ATP13A4: variants seen among roughly 807,000 people sequenced by gnomAD.
ATP13A4 encodes ATPase 13A4.
In ATP13A4, 114 loss-of-function variants were observed where a neutral mutation model predicts 142.5. The observed-to-expected ratio is 0.80, with a 90% CI of 0.69 to 0.93. ATP13A4 has a LOEUF of 0.93. Ranked by LOEUF, ATP13A4 falls within the 40% of genes least tolerant of loss-of-function variation. The pLI, the probability that ATP13A4 is intolerant of heterozygous loss-of-function variation, is 0.00. For synonymous variants in ATP13A4, 488 were observed against 514.8 expected (o/e 0.95, Z 0.70); for missense variants, 1,392 against 1,454.0 (o/e 0.96, Z 0.69).
In ATP13A4 at chr3:193,465,065, G is replaced by T; in HGVS notation, c.1336C>A (p.Leu446Ile). The part of the protein sequence containing the change: ...DVITIAVPPA[L>I]PAALTTGIIY... ...ATGCCTGTGGTCAGAGCAGCAGGTA[G>T]AGCCGGAGGAACCGCAATTGTGATG... Residue 446 changes from leucine (L) to isoleucine (I), a missense_variant, in exon 12 of 30, where the codon CTA becomes ATA. Transcript: ENST00000342695. 1 of 1,614,140 alleles carries T rather than the reference G, an allele frequency of 6.2e-7. No individual in the cohort carries two copies. The highest frequency in any genetic ancestry group is 8.5e-7 in the Non-Finnish European group (1 of 1,180,024).
chr3:193,542,945 C>T (rs1236438676), intron 1 of ATP13A4, among the ~76,000 whole-genome samples: 3 of 152,148 alleles, frequency 2.0e-5, no homozygotes, highest in Admixed American at 6.5e-5. Flanking sequence ...GTGGGCAGAT[C>T]ACAAGGTCAG....
At chr3:193,585,769 A>G (rs1300977282) in intron 1 of ATP13A4, among the ~76,000 whole-genome samples, 1 of 152,094 alleles carries the variant, frequency 6.6e-6, no homozygotes, top group African/African-American at 2.4e-5. Flanking sequence ...CCAGTTTTCA[A>G]TTACCGTGAA....
chr3:193,502,967 C>T (rs1407083780), intron 2 of ATP13A4, among the ~76,000 whole-genome samples: 4 of 151,918 alleles, frequency 2.6e-5, no homozygotes, highest in African/African-American at 9.7e-5. Flanking sequence ...CCATCCCCAT[C>T]TTTCAAGGCT....
intron 1 of ATP13A4, among the ~76,000 whole-genome samples, chr3:193,541,034 G>T (rs1279013196): frequency 6.6e-6 from 1 of 152,098 alleles, no homozygotes; most frequent in African/African-American, 2.4e-5. Flanking sequence ...CAAATCGCGA[G>T]GTCAGGAGAT....
intron 3 of ATP13A4, among the ~76,000 whole-genome samples, chr3:193,499,081 C>T (rs979677174): frequency 5.3e-5 from 8 of 152,194 alleles, no homozygotes; most frequent in Non-Finnish European, 1.2e-4. Context: ...CACATGTGCA[C>T]GTGTGCAAAC....
intron 8 of ATP13A4, 109 bp downstream of exon 8, chr3:193,483,827 G>T: frequency 9.9e-7 from 1 of 1,012,494 alleles, no homozygotes; most frequent in Non-Finnish European, 1.6e-6. Context: ...AAATGCCTAA[G>T]GAGAAATGAA....
At chr3:193,474,410 C>T (rs1169780083) in intron 8 of ATP13A4, among the ~76,000 whole-genome samples, 1 of 150,178 alleles carries the variant, frequency 6.7e-6, no homozygotes, top group African/African-American at 2.5e-5. Context: ...AAAAATTAGC[C>T]AGGCATGGTG....
At position 193,448,354 on chromosome 3, in the gene ATP13A4, T is replaced by C. The variant is rs763967413; in HGVS notation, c.2028-24A>G. 10 of 1,612,758 alleles carry C rather than the reference T, an allele frequency of 6.2e-6. 1 individual carries two copies. The highest frequency in any genetic ancestry group is 3.3e-5 in the South Asian group (3 of 91,070). On this transcript the variant is annotated intron_variant, in intron 17 of 29. Coordinates refer to ENST00000342695, the MANE Select transcript of ATP13A4 (RefSeq NM_032279.4). ...CCCTGAAAATACATATATAGATGTA[T>C]TGAACAGAAATAACACATATTACAG...
At chr3:193,437,165 C>G (rs181777019) in intron 23 of ATP13A4, among the ~76,000 whole-genome samples, 1 of 150,312 alleles carries the variant, frequency 6.7e-6, no homozygotes, top group Non-Finnish European at 1.5e-5. Flanking sequence ...AGAGTTTTGC[C>G]GTGACATTTC....
rs1346878522 is a variant in ATP13A4 at position 193,502,556 on chromosome 3, G to A, written c.318C>T (p.Asp106=). 4 of 1,613,688 alleles carry A rather than the reference G, an allele frequency of 2.5e-6. No individual in the cohort carries two copies. Among genetic ancestry groups the A allele is most frequent in the Admixed American group, 3.3e-5 (2 of 59,996 alleles). The change falls in exon 3 of 30, where the codon GAC becomes GAT. Residue 106 remains aspartate, a synonymous_variant. Coordinates refer to ENST00000342695, the MANE Select transcript of ATP13A4 (RefSeq NM_032279.4). Reference sequence around the variant, plus strand: ...ACTCCTCATCTGTCATGAGAGGGTGGTCAGGAGTGAGACCAAATGCGCTGT... The same window carrying A: ...ACTCCTCATCTGTCATGAGAGGGTGATCAGGAGTGAGACCAAATGCGCTGT... The part of the protein sequence containing the change: ...ALNSAFGLTP[D]HPLMTDEEYI...
At chr3:193,550,914 A>T (rs1723521268) in intron 1 of ATP13A4, among the ~76,000 whole-genome samples, 1 of 152,212 alleles carries the variant, frequency 6.6e-6, no homozygotes, top group Non-Finnish European at 1.5e-5. Context: ...GCCATGGTAT[A>T]AGGAAATGGT....
At chr3:193,561,044 T>G (rs1724006571) in intron 2 of ATP13A4, among the ~76,000 whole-genome samples, 1 of 152,138 alleles carries the variant, frequency 6.6e-6, no homozygotes, top group Admixed American at 6.5e-5. Flanking sequence ...GAGCCTGGCA[T>G]GGGAAAGGCT....
intron 27 of ATP13A4, among the ~76,000 whole-genome samples, chr3:193,411,912 T>C (rs1297501478): frequency 6.6e-6 from 1 of 152,172 alleles, no homozygotes; most frequent in Non-Finnish European, 1.5e-5. Context: ...GTCTTTTCAA[T>C]TTGGAGTGAT....
At chr3:193,515,898 T>C (rs1279578581) in intron 1 of ATP13A4, among the ~76,000 whole-genome samples, 1 of 152,252 alleles carries the variant, frequency 6.6e-6, no homozygotes, top group African/African-American at 2.4e-5. Context: ...AGACTAGCTC[T>C]GCCACTTACT....
chr3:193,470,838 G>A, intron 9 of ATP13A4, 21 bp downstream of exon 9: 1 of 1,613,822 alleles, frequency 6.2e-7, no homozygotes, highest in Non-Finnish European at 8.5e-7. Context: ...GAGGTTGTCA[G>A]CTGTGGAGAT....
intron 2 of ATP13A4, among the ~76,000 whole-genome samples, chr3:193,575,671 T>C (rs1724376775): frequency 6.6e-6 from 1 of 152,246 alleles, no homozygotes; most frequent in Non-Finnish European, 1.5e-5. Flanking sequence ...GTGCAGTTTT[T>C]CTAATTAATT....
At chr3:193,412,567 G>GA (rs1006132448) in intron 26 of ATP13A4, among the ~76,000 whole-genome samples, 196 bp from the exon 27 acceptor site, 2 of 147,864 alleles carry the variant, frequency 1.4e-5, no homozygotes, top group South Asian at 2.2e-4. Context: ...AAAAATAGGG[G>GA]AAAAAATCAA....
At chr3:193,580,593 T>TA (rs1271741577) in intron 2 of ATP13A4, among the ~76,000 whole-genome samples, 1 of 152,106 alleles carries the variant, frequency 6.6e-6, no homozygotes, top group African/African-American at 2.4e-5. Context: ...AGTATATATA[T>TA]TTTTTTATTG....
rs76885768 is a variant in ATP13A4, at chr3:193,434,206, T to A, written c.2770-289A>T. ...GAGGAGGACATCTTCCCCTACCAGA[T>A]TCATCTCTGCTCTCTTTTCTACTTG... On this transcript the variant is annotated intron_variant, in intron 24 of 29. Coordinates refer to ENST00000342695, the MANE Select transcript of ATP13A4 (RefSeq NM_032279.4). Among the ~76,000 whole-genome samples, 908 of 152,290 alleles carry A rather than the reference T, an allele frequency of 6.0e-3. 10 individuals are homozygous for A. Among genetic ancestry groups the A allele is most frequent in the African/African-American group, 0.021 (877 of 41,560 alleles).
Sources: gnomAD v4.1 joint callset for allele counts (sites outside exome capture counted in the v4.1 genomes callset) on GRCh38, gnomAD v4.1.1 for gene constraint, MANE v1.5 for transcripts, NCBI Gene and HGNC (gene_info 2026-07-23, HGNC 2026-07-21) for gene names.